Variants in ADAM12 observed in about 807,000 individuals in gnomAD.
ADAM12 encodes the protein ADAM metallopeptidase domain 12.
Under a neutral mutation model 106.4 loss-of-function variants are expected in ADAM12, and 70 were observed. That is an observed-to-expected ratio of 0.66 (90% confidence interval 0.54 to 0.80). The LOEUF is 0.80. ADAM12 is among the 30% of genes least tolerant of loss of function. The pLI is 0.00. For missense variants in ADAM12, 1,010 were observed against 1,171.9 expected (o/e 0.86, Z 2.02); for synonymous variants, 420 against 433.5 (o/e 0.97, Z 0.39).
chr10:126,084,326 A>G (rs952533117), intron 11 of ADAM12, among the ~76,000 whole-genome samples: 1 of 152,102 alleles, frequency 6.6e-6, no homozygotes. Flanking sequence ...GGGGCGGGGG[A>G]CACAGTGTCC....
chr10:126,121,036 T>A (rs1956081804), intron 5 of ADAM12, among the ~76,000 whole-genome samples: 1 of 61,686 alleles, frequency 1.6e-5, no homozygotes, highest in African/African-American at 1.0e-4. Context: ...ATATTATATA[T>A]GCAATATAAT....
chr10:126,260,115 C>T (rs1238377211), intron 3 of ADAM12, among the ~76,000 whole-genome samples: 1 of 152,016 alleles, frequency 6.6e-6, no homozygotes, highest in Non-Finnish European at 1.5e-5. Flanking sequence ...ATACACATTA[C>T]CATACACATT....
chr10:126,324,836 A>T (rs1458725065), intron 2 of ADAM12, among the ~76,000 whole-genome samples: 1 of 152,024 alleles, frequency 6.6e-6, no homozygotes, highest in Non-Finnish European at 1.5e-5. Context: ...ATCAAATCTC[A>T]GGGGTCAAAG....
intron 1 of ADAM12, among the ~76,000 whole-genome samples, chr10:126,355,432 G>A (rs1855506043): frequency 6.6e-6 from 1 of 152,198 alleles, no homozygotes; most frequent in South Asian, 2.1e-4. Context: ...ATTTCAACTA[G>A]CAATTATCTA....
rs942029707 is a variant in ADAM12 at position 126,330,602 on chromosome 10, T to C, written c.89-93A>G. 5.6e-5 allele frequency: 65 copies of C among 1,153,730 alleles called. 1 individual carries two copies. The African/African-American group carries it at 7.9e-4, about 14-fold the overall frequency. The allele number at this position is 1,153,730 out of a possible 1,614,324, so 71.5% of individuals were successfully genotyped here. ...TACATAAATGACACAGTGAAAATAT[T>C]TGGAAGTTAAATAAGCCCAGGGAAA... On this transcript the variant is annotated intron_variant, in intron 1 of 22. Coordinates refer to ENST00000448723, the MANE Select transcript of ADAM12 (RefSeq NM_001288973.2).
At chr10:126,075,767 G>A (rs1324504445) in intron 11 of ADAM12, among the ~76,000 whole-genome samples, 5 of 152,240 alleles carry the variant, frequency 3.3e-5, no homozygotes, top group Admixed American at 1.3e-4. Context: ...TCTTCCTGCA[G>A]ACACACACCC....
At chr10:126,176,518 G>C (rs1192877762) in intron 3 of ADAM12, among the ~76,000 whole-genome samples, 2 of 152,202 alleles carry the variant, frequency 1.3e-5, no homozygotes, top group Non-Finnish European at 2.9e-5. Context: ...CATTGCCATT[G>C]CAAGAACTCT....
intron 11 of ADAM12, among the ~76,000 whole-genome samples, chr10:126,081,471 T>A (rs959317436): frequency 6.6e-6 from 1 of 152,232 alleles, no homozygotes; most frequent in Non-Finnish European, 1.5e-5. Context: ...TTGGAAAATA[T>A]GTTGCTGACA....
At chr10:126,305,947 G>A (rs1172903199) in intron 2 of ADAM12, among the ~76,000 whole-genome samples, 1 of 151,816 alleles carries the variant, frequency 6.6e-6, no homozygotes, top group Non-Finnish European at 1.5e-5. Flanking sequence ...CTTGATTCCT[G>A]TAGGAAGTTC....
chr10:126,260,885 T>C (rs573512178), intron 3 of ADAM12, among the ~76,000 whole-genome samples: 1 of 152,350 alleles, frequency 6.6e-6, no homozygotes, highest in South Asian at 2.1e-4. Flanking sequence ...TTTATGTCCA[T>C]ACAATTGGCC....
intron 2 of ADAM12, among the ~76,000 whole-genome samples, chr10:126,319,124 T>G (rs1396681517): frequency 6.6e-6 from 1 of 152,136 alleles, no homozygotes; most frequent in Non-Finnish European, 1.5e-5. Flanking sequence ...AAGACCACAT[T>G]AATGTCGTTA....
rs370682412 is a variant in ADAM12, at chr10:126,071,654, C to T, written c.1146G>A (p.Gly382=). 6.2e-7 allele frequency: 1 copy of T among 1,613,918 alleles called. No homozygotes were observed. Among genetic ancestry groups the T allele is most frequent in the Non-Finnish European group, 8.5e-7 (1 of 1,179,952 alleles). ...KGGCIMNAST[G]YPFPMVFSSC... is the part of the protein sequence containing the mutation. Reference sequence around the variant, plus strand: ...TGCTGAACACCATGGGAAATGGGTACCTGAGAAAGGAGAGCCCAGAACAGT... The same window carrying T: ...TGCTGAACACCATGGGAAATGGGTATCTGAGAAAGGAGAGCCCAGAACAGT... The change falls in exon 12 of 23, where the codon GGG becomes GGA. Residue 382 remains glycine (G), a splice_region_variant and synonymous_variant. Transcript: ENST00000448723.
At chr10:126,058,645 C>A (rs1453700051) in intron 14 of ADAM12, among the ~76,000 whole-genome samples, 2 of 152,216 alleles carry the variant, frequency 1.3e-5, no homozygotes, top group African/African-American at 4.8e-5. Flanking sequence ...GGCTCAAAGG[C>A]ACGGAGCCCG....
Position 126,330,321 on chromosome 10 carries a change from G to C in ADAM12, c.186+91C>G, listed in dbSNP as rs1328620961. The C allele has an allele frequency of 5.4e-6, 6 of 1,108,330 alleles. No individual in the cohort carries two copies. The Admixed American group carries it at 9.5e-5, about 18-fold the overall frequency. The allele number at this position is 1,108,330 out of a possible 1,614,324, so 68.7% of individuals were successfully genotyped here. A position where few individuals can be genotyped will look rare whatever the true frequency, so the allele number is the denominator to read the frequency against. On this transcript the variant is annotated intron_variant, in intron 2 of 22. Transcript: ENST00000448723. ...GATAGAGTTAGCATTAAAGTGAGTA[G>C]AGACAACCCTTGAATGAGAGAATAC...
At chr10:126,025,140 T>C (rs940769367) in intron 21 of ADAM12, among the ~76,000 whole-genome samples, 2 of 152,166 alleles carry the variant, frequency 1.3e-5, no homozygotes, top group African/African-American at 2.4e-5. Flanking sequence ...AGTGCCACTT[T>C]TTCTCCAAAT....
At chr10:126,176,949 A>T (rs1353669632) in intron 3 of ADAM12, among the ~76,000 whole-genome samples, 1 of 152,180 alleles carries the variant, frequency 6.6e-6, no homozygotes, top group Non-Finnish European at 1.5e-5. Context: ...TTTGAAAAAG[A>T]GCTGCCCTGT....
chr10:126,249,275 C>CCA (rs1554995171), intron 3 of ADAM12, among the ~76,000 whole-genome samples: 1 of 152,026 alleles, frequency 6.6e-6, no homozygotes. Flanking sequence ...GAATCCAATG[C>CCA]AAACACTCTA....
At chr10:126,077,701 A>C (rs193060288) in intron 11 of ADAM12, among the ~76,000 whole-genome samples, 2 of 152,368 alleles carry the variant, frequency 1.3e-5, no homozygotes, top group East Asian at 3.9e-4. Context: ...CCATATGCAG[A>C]AGATTGAAAC....
At chr10:126,278,866 A>G (rs199677075) in intron 3 of ADAM12, 49 bp downstream of exon 3, 2 of 1,405,668 alleles carry the variant, frequency 1.4e-6, no homozygotes, top group East Asian at 4.7e-5. Flanking sequence ...TTTTCTGTCC[A>G]TGGTGTCTTA....
Sources: allele counts gnomAD v4.1 joint callset (sites outside exome capture counted in the v4.1 genomes callset), GRCh38; gene constraint gnomAD v4.1.1; transcripts MANE v1.5; gene names NCBI Gene and HGNC (gene_info 2026-07-23, HGNC 2026-07-21).